The following SLTM variants were observed in gnomAD, a reference collection of about 807,000 sequenced individuals.
SLTM encodes SAFB-like transcription modulator.
In SLTM, 43 loss-of-function variants were observed where a neutral mutation model predicts 134.6. The ratio of observed to expected loss-of-function variants is 0.32; its 90% CI spans 0.25 to 0.41. SLTM has a LOEUF of 0.41. SLTM is among the 10% of genes least tolerant of loss of function. The probability of loss-of-function intolerance (pLI) is 1.00; values close to 1 mark genes in which losing one functional copy is unlikely to be tolerated. For missense variants in SLTM, 1,055 were observed against 1,288.8 expected, an observed-to-expected ratio of 0.82 and a Z score of 2.78; for synonymous variants, 424 against 432.3, an observed-to-expected ratio of 0.98 and a Z score of 0.24.
At chr15:58,888,735 A>C in intron 16 of SLTM, 180 bp from the exon 17 acceptor site, 1 of 483,596 alleles carries the variant, frequency 2.1e-6, no homozygotes, top group Non-Finnish European at 3.5e-6. Context: ...ACATAAAGTC[A>C]AATAGTGTGA....
At chr15:58,906,205 A>G (rs2035858398) in intron 5 of SLTM, among the ~76,000 whole-genome samples, 1 of 152,226 alleles carries the variant, frequency 6.6e-6, no homozygotes, top group Non-Finnish European at 1.5e-5. Context: ...ATTTGAAAAC[A>G]ATTTCTCCCA....
At chr15:58,881,012 C>T (rs1004862325) in intron 20 of SLTM, among the ~76,000 whole-genome samples, 1 of 152,134 alleles carries the variant, frequency 6.6e-6, no homozygotes. Flanking sequence ...AGCAGACCCC[C>T]TCCCCCGACA....
At chr15:58,912,665 G>A in intron 4 of SLTM, 55 bp from the exon 5 acceptor site, 6 of 1,423,926 alleles carry the variant, frequency 4.2e-6, no homozygotes, top group Non-Finnish European at 4.9e-6. Flanking sequence ...GGTAACGTGA[G>A]AATGCTTTTA....
At chr15:58,920,657 AT>A (rs2036972490) in intron 2 of SLTM, among the ~76,000 whole-genome samples, 1 of 149,842 alleles carries the variant, frequency 6.7e-6, no homozygotes, top group Non-Finnish European at 1.5e-5. Context: ...AAATAAATAA[AT>A]AAATAAAAAT....
At chr15:58,890,513 AAG>A in intron 14 of SLTM, 52 bp from the exon 15 acceptor site, 13 of 1,522,852 alleles carry the variant, frequency 8.5e-6, no homozygotes, top group Non-Finnish European at 1.2e-5. Context: ...CACTGTGTGA[AAG>A]AGAATAGCTT....
chr15:58,915,616 A>C (rs1487575268), intron 3 of SLTM, among the ~76,000 whole-genome samples: 1 of 152,162 alleles, frequency 6.6e-6, no homozygotes, highest in African/African-American at 2.4e-5. Flanking sequence ...TGCAATCATC[A>C]ATTTTAACGG....
intron 16 of SLTM, 150 bp from the exon 17 acceptor site, chr15:58,888,705 A>G (rs1451166889): frequency 1.4e-5 from 8 of 589,200 alleles, no homozygotes; most frequent in Non-Finnish European, 1.1e-5. Context: ...ACAAACTAGC[A>G]AAGACTTAAT....
In SLTM at chr15:58,890,381, A is replaced by G; in HGVS notation, c.1979T>C (p.Leu660Ser). The part of the protein sequence containing the change: ...IIREREERER[L>S]QRERERLEIE... ...TTCTAGGCGCTCTCTCTCTCTCTGTAAGCGTTCCCGTTCTTCCCGTTCACG... is the reference window on the plus strand; with the variant it reads ...TTCTAGGCGCTCTCTCTCTCTCTGTGAGCGTTCCCGTTCTTCCCGTTCACG... Residue 660 changes from leucine to serine, a missense_variant, in exon 15 of 21, where the codon TTA becomes TCA. Leu to Ser is a moderately radical substitution (Grantham distance 145). This residue lies in a region of SLTM where 776 missense variants were observed against 962.2 expected (regional missense o/e 0.81). Coordinates refer to ENST00000380516, the MANE Select transcript of SLTM (RefSeq NM_024755.4). 1 of 1,613,860 alleles carries G rather than the reference A, an allele frequency of 6.2e-7. No individual in the cohort carries two copies. The highest frequency in any genetic ancestry group is 8.5e-7 in the Non-Finnish European group (1 of 1,179,932).
intron 3 of SLTM, among the ~76,000 whole-genome samples, chr15:58,915,843 C>T (rs1428023838): frequency 6.6e-6 from 1 of 151,516 alleles, no homozygotes; most frequent in African/African-American, 2.4e-5. Flanking sequence ...CTAGTTTTAC[C>T]CAGAAAACAG....
chr15:58,887,650 A>G, intron 17 of SLTM, 110 bp from the exon 18 acceptor site: 2 of 1,482,796 alleles, frequency 1.3e-6, no homozygotes, highest in Non-Finnish European at 1.8e-6. Flanking sequence ...AAATGAACTT[A>G]AGGCAAAGCC....
Position 58,927,331 on chromosome 15 carries a change from G to A in SLTM, c.250+5025C>T, listed in dbSNP as rs187425163. On this transcript the variant is annotated intron_variant, in intron 2 of 20. Coordinates refer to ENST00000380516, the MANE Select transcript of SLTM (RefSeq NM_024755.4). Reference sequence around the variant, plus strand: ...GTTGCCCAAGCTGGAGTGCAATGGCGCAATCTCAGCTCACTGCAACCTCTG... The same window carrying A: ...GTTGCCCAAGCTGGAGTGCAATGGCACAATCTCAGCTCACTGCAACCTCTG... Among the ~76,000 whole-genome samples the A allele has an allele frequency of 5.6e-3, 851 of 152,034 alleles. 10 individuals carry two copies. Among genetic ancestry groups the A allele is most frequent in the South Asian group, 0.016 (76 of 4,812 alleles).
intron 2 of SLTM, among the ~76,000 whole-genome samples, chr15:58,925,321 C>T (rs2037381902): frequency 6.6e-6 from 1 of 152,068 alleles, no homozygotes; most frequent in Non-Finnish European, 1.5e-5. Flanking sequence ...AACAGTCATA[C>T]AATAGGTCAC....
At chr15:58,913,012 C>T (rs1278050702) in intron 4 of SLTM, among the ~76,000 whole-genome samples, 2 of 152,112 alleles carry the variant, frequency 1.3e-5, no homozygotes, top group Admixed American at 6.5e-5. Flanking sequence ...TAATTCCCCA[C>T]CCTTGATATA....
intron 19 of SLTM, among the ~76,000 whole-genome samples, chr15:58,884,771 A>G (rs570215595): frequency 1.6e-4 from 24 of 152,146 alleles, no homozygotes; most frequent in Admixed American, 2.0e-4. Flanking sequence ...AGCTGGGACT[A>G]CAGGGTGCAC....
At position 58,887,310 on chromosome 15, in the gene SLTM, T is replaced by C; in HGVS notation, c.2606A>G (p.His869Arg). Residue 869 changes from histidine to arginine, a missense_variant, in exon 18 of 21, where the codon CAT (histidine) becomes CGT (arginine). This residue lies in a region of SLTM where 776 missense variants were observed against 962.2 expected (regional missense o/e 0.81). Coordinates refer to ENST00000380516, the MANE Select transcript of SLTM (RefSeq NM_024755.4). ...HDRPDITHPR[H>R]PREAGPNPSR... ...AGGATTGGGCCCTGCCTCTCGAGGA[T>C]GTCTAGGATGAGTGATATCAGGCCT... The C allele has an allele frequency of 1.2e-6, 2 of 1,614,104 alleles. No homozygotes were observed. The highest frequency in any genetic ancestry group is 1.7e-6 in the Non-Finnish European group (2 of 1,180,018).
At position 58,897,225 on chromosome 15, in the gene SLTM, T is replaced by C. The variant is rs1266022763; in HGVS notation, c.1117A>G (p.Ser373Gly). 5 of 1,577,090 alleles carry C rather than the reference T, an allele frequency of 3.2e-6. No individual in the cohort carries two copies. Among genetic ancestry groups the C allele is most frequent in the African/African-American group, 1.3e-5 (1 of 74,140 alleles). ...CTTCCACTGCTACCACTAGTACTACTTGTACTTCCTAGAATAGATTTAATA... is the reference window on the plus strand; with the variant it reads ...CTTCCACTGCTACCACTAGTACTACCTGTACTTCCTAGAATAGATTTAATA... ...TSSKDDKGST[S>G]STSGSSGSST... The change falls in exon 9 of 21, where the codon AGT (serine) becomes GGT (glycine). Residue 373 changes from serine to glycine, a missense_variant. Physicochemically the swap from Ser to Gly is moderately conservative, Grantham distance 56 (BLOSUM62 0). Transcript: ENST00000380516.
chr15:58,896,841 G>C (rs192232091), intron 9 of SLTM, among the ~76,000 whole-genome samples: 1 of 152,118 alleles, frequency 6.6e-6, no homozygotes, highest in Admixed American at 6.5e-5. Context: ...GTGCTACAAA[G>C]TATCATGATG....
At chr15:58,905,557 T>A (rs532369907) in intron 5 of SLTM, among the ~76,000 whole-genome samples, 96 of 152,052 alleles carry the variant, frequency 6.3e-4, no homozygotes, top group African/African-American at 2.1e-3. Flanking sequence ...AAATATATTT[T>A]AAAAAAATAA....
chr15:58,889,671 A>G (rs2034508705), intron 15 of SLTM, 117 bp from the exon 16 acceptor site: 1 of 1,284,192 alleles, frequency 7.8e-7, no homozygotes, highest in African/African-American at 1.5e-5. Context: ...AAGACCAGGC[A>G]AAACACAAAC....
Sources: allele counts gnomAD v4.1 joint callset (sites outside exome capture counted in the v4.1 genomes callset), GRCh38; gene constraint gnomAD v4.1.1; regional missense constraint gnomAD v4.1.1; transcripts MANE v1.5; gene names NCBI Gene and HGNC (gene_info 2026-07-23, HGNC 2026-07-21).